Variants in CNTNAP2 observed in about 807,000 individuals in gnomAD.
CNTNAP2 encodes contactin associated protein 2.
In CNTNAP2, 98 loss-of-function variants were observed where a neutral mutation model predicts 155.2. The observed-to-expected ratio is 0.63, with a 90% CI of 0.54 to 0.75. CNTNAP2 has a LOEUF of 0.75. CNTNAP2 is among the 30% of genes least tolerant of loss of function. The probability of loss-of-function intolerance (pLI) is 0.00; values close to 1 mark genes in which losing one functional copy is unlikely to be tolerated. For missense variants in CNTNAP2, 1,727 were observed against 1,688.1 expected, an observed-to-expected ratio of 1.02 and a Z score of -0.40; for synonymous variants, 651 against 631.2, an observed-to-expected ratio of 1.03 and a Z score of -0.47.
chr7:148,179,089 C>G (rs1253186788), intron 18 of CNTNAP2, among the ~76,000 whole-genome samples: 4 of 152,178 alleles, frequency 2.6e-5, no homozygotes, highest in Non-Finnish European at 4.4e-5. Flanking sequence ...CCACACCCAC[C>G]ATATCGGACT....
At chr7:147,835,815 C>T (rs116767814) in intron 13 of CNTNAP2, among the ~76,000 whole-genome samples, 2,462 of 152,194 alleles carry the variant, frequency 0.016, 63 homozygotes, top group African/African-American at 0.055. Context: ...CTTTGACACA[C>T]AGAGAAGCAA....
At chr7:146,936,253 C>G (rs1796911479) in intron 3 of CNTNAP2, among the ~76,000 whole-genome samples, 1 of 152,098 alleles carries the variant, frequency 6.6e-6, no homozygotes, top group Non-Finnish European at 1.5e-5. Context: ...ACAGAAGAAA[C>G]TGTATAAAAA....
intron 15 of CNTNAP2, among the ~76,000 whole-genome samples, chr7:148,053,034 T>C (rs187837465): frequency 6.6e-6 from 1 of 152,264 alleles, no homozygotes; most frequent in Non-Finnish European, 1.5e-5. Flanking sequence ...GTGACAGAGC[T>C]AGACTCCGTC....
chr7:147,614,401 C>T (rs1024532996), intron 12 of CNTNAP2, among the ~76,000 whole-genome samples: 1 of 151,830 alleles, frequency 6.6e-6, no homozygotes, highest in Non-Finnish European at 1.5e-5. Context: ...CCAATAAGTT[C>T]TTGCATATAT....
At chr7:147,236,561 T>A (rs1259187302) in intron 8 of CNTNAP2, among the ~76,000 whole-genome samples, 1 of 151,940 alleles carries the variant, frequency 6.6e-6, no homozygotes, top group Non-Finnish European at 1.5e-5. Flanking sequence ...TTCCTTCAAT[T>A]TTTTTTTCTT....
intron 1 of CNTNAP2, among the ~76,000 whole-genome samples, chr7:146,167,430 G>A (rs1454495214): frequency 3.3e-5 from 5 of 152,200 alleles, no homozygotes; most frequent in Admixed American, 6.5e-5. Context: ...CATTGCAGCT[G>A]TTGTGTGCTG....
intron 4 of CNTNAP2, among the ~76,000 whole-genome samples, chr7:147,073,312 T>TAA (rs34336943): frequency 1.8e-4 from 25 of 140,380 alleles, no homozygotes; most frequent in African/African-American, 5.8e-4. Context: ...TGCAGGAATG[T>TAA]AAAAAAAAAA....
At chr7:147,259,382 G>T (rs569225460) in intron 8 of CNTNAP2, among the ~76,000 whole-genome samples, 4 of 152,112 alleles carry the variant, frequency 2.6e-5, no homozygotes, top group African/African-American at 9.6e-5. Context: ...ATATTAATGG[G>T]TCTTCTGTTT....
intron 18 of CNTNAP2, among the ~76,000 whole-genome samples, chr7:148,208,088 CAAA>C (rs10551518): frequency 0.39 from 47,466 of 120,630 alleles, 7,856 homozygotes; most frequent in South Asian, 0.46. Context: ...GACTCCGTGT[CAAA>C]AAAAAAAAAA....
intron 1 of CNTNAP2, among the ~76,000 whole-genome samples, chr7:146,449,339 A>C (rs531012977): frequency 6.6e-6 from 1 of 151,948 alleles, no homozygotes; most frequent in Non-Finnish European, 1.5e-5. Flanking sequence ...CTATTATATT[A>C]TGTAATTTGT....
At chr7:146,827,937 C>G (rs10234284) in intron 2 of CNTNAP2, among the ~76,000 whole-genome samples, 32,833 of 151,812 alleles carry the variant, frequency 0.22, 4,192 homozygotes, top group Middle Eastern at 0.36. Flanking sequence ...TTTTTATTGC[C>G]TTTATTTTTC....
chr7:146,894,325 T>A (rs1562990423), intron 3 of CNTNAP2, among the ~76,000 whole-genome samples: 1 of 152,318 alleles, frequency 6.6e-6, no homozygotes, highest in South Asian at 2.1e-4. Context: ...TTCCTTTATA[T>A]GGGAAACAAT....
At chr7:147,036,252 G>T (rs952592163) in intron 3 of CNTNAP2, among the ~76,000 whole-genome samples, 1 of 152,142 alleles carries the variant, frequency 6.6e-6, no homozygotes, top group Non-Finnish European at 1.5e-5. Context: ...TTACTGTCTG[G>T]TACTTTGCAG....
intron 1 of CNTNAP2, among the ~76,000 whole-genome samples, chr7:146,756,202 C>G (rs147299363): frequency 2.0e-5 from 3 of 151,916 alleles, no homozygotes; most frequent in Admixed American, 6.6e-5. Context: ...TATAGTGTCT[C>G]TTGTTTTAAC....
At chr7:147,167,657 G>T in intron 8 of CNTNAP2, 1 of 432,488 alleles carries the variant, frequency 2.3e-6, no homozygotes, top group Non-Finnish European at 4.0e-6. Flanking sequence ...CAGGGTATGG[G>T]CCACCTTATT....
rs181570321 is a variant in CNTNAP2, at chr7:148,163,001, A to G, written c.2774-9241A>G. ...GCCAAAGAGCAAAACTGTGCCAAAA[A>G]AAATAAATAAATATAAGACAATGTT... On this transcript the variant is annotated intron_variant, in intron 17 of 23. Transcript: ENST00000361727. 9.0e-4 allele frequency among the ~76,000 whole-genome samples: 137 copies of G among 152,330 alleles called. 2 individuals are homozygous for G. The East Asian group carries it at 0.02, about 22-fold the overall frequency.
chr7:146,629,215 C>G (rs1212163483), intron 1 of CNTNAP2, among the ~76,000 whole-genome samples: 1 of 152,056 alleles, frequency 6.6e-6, no homozygotes, highest in African/African-American at 2.4e-5. Context: ...CAAGTCTGTC[C>G]CCTGGCAGTT....
At chr7:146,367,038 C>G (rs1349669697) in intron 1 of CNTNAP2, among the ~76,000 whole-genome samples, 3 of 152,114 alleles carry the variant, frequency 2.0e-5, no homozygotes, top group African/African-American at 7.2e-5. Context: ...TGAGAAATAT[C>G]AGTTAAACTC....
chr7:146,438,004 A>T (rs1381664748), intron 1 of CNTNAP2, among the ~76,000 whole-genome samples: 2 of 151,426 alleles, frequency 1.3e-5, no homozygotes, highest in Non-Finnish European at 2.9e-5. Context: ...ATGGAACAGA[A>T]CATCATTGCT....
Sources: allele counts gnomAD v4.1 joint callset (sites outside exome capture counted in the v4.1 genomes callset), GRCh38; gene constraint gnomAD v4.1.1; transcripts MANE v1.5; gene names NCBI Gene and HGNC (gene_info 2026-07-23, HGNC 2026-07-21).